The following CCDC85A variants were observed in gnomAD, a reference collection of about 807,000 sequenced individuals.
The protein encoded by CCDC85A is coiled-coil domain-containing protein 85A.
CCDC85A carries 38 observed loss-of-function variants against 50.2 expected under a neutral mutation model. The observed-to-expected ratio is 0.76, with a 90% CI of 0.58 to 0.99. CCDC85A has a LOEUF of 0.99. Among genes scored for constraint, CCDC85A ranks in the 50% least tolerant of loss-of-function variants. The pLI is 0.00. For missense variants in CCDC85A, 820 were observed against 742.0 expected (o/e 1.11, Z -1.22); for synonymous variants, 366 against 301.4 (o/e 1.21, Z -2.22).
chr2:56,324,594 A>G (rs1673372940), intron 2 of CCDC85A, among the ~76,000 whole-genome samples: 1 of 152,046 alleles, frequency 6.6e-6, no homozygotes, highest in Non-Finnish European at 1.5e-5. Context: ...ACCATGTGGG[A>G]CCAGGTAGAC....
intron 2 of CCDC85A, among the ~76,000 whole-genome samples, chr2:56,342,426 T>C (rs2104322024): frequency 6.6e-6 from 1 of 152,356 alleles, no homozygotes; most frequent in South Asian, 2.1e-4. Flanking sequence ...ATTTCGGTAT[T>C]AGATTCAGGT....
At chr2:56,322,461 AC>A (rs1673252145) in intron 2 of CCDC85A, among the ~76,000 whole-genome samples, 1 of 152,110 alleles carries the variant, frequency 6.6e-6, no homozygotes, top group South Asian at 2.1e-4. Flanking sequence ...AAATCAAACA[AC>A]CCCATTAAAA....
rs78334090 is a variant in CCDC85A at position 56,221,079 on chromosome 2, T to G, written c.1240+27639T>G. 1.9e-4 allele frequency among the ~76,000 whole-genome samples: 29 copies of G among 151,272 alleles called. No individual in the cohort carries two copies. The East Asian group carries it at 5.2e-3, about 27-fold the overall frequency. ...GTTGAAGGTCCTAATTTTCTTGGTGTTTTCTGATTTCATTTCCTAGTATAC... is the reference window on the plus strand; with the variant it reads ...GTTGAAGGTCCTAATTTTCTTGGTGGTTTCTGATTTCATTTCCTAGTATAC... On this transcript the variant is annotated intron_variant, in intron 2 of 5. Transcript: ENST00000407595.
intron 2 of CCDC85A, among the ~76,000 whole-genome samples, chr2:56,209,624 T>C (rs1475139464): frequency 6.6e-6 from 1 of 152,038 alleles, no homozygotes; most frequent in African/African-American, 2.4e-5. Flanking sequence ...AATTTGTAAT[T>C]TCTGTTTTAC....
chr2:56,274,064 T>C (rs1316403194), intron 2 of CCDC85A, among the ~76,000 whole-genome samples: 1 of 152,160 alleles, frequency 6.6e-6, no homozygotes, highest in Admixed American at 6.6e-5. Context: ...ACTAAATCAG[T>C]TGATAAGTAT....
intron 3 of CCDC85A, among the ~76,000 whole-genome samples, chr2:56,352,934 C>G (rs10172454): frequency 0.035 from 5,346 of 152,240 alleles, 237 homozygotes; most frequent in African/African-American, 0.11. Flanking sequence ...ATGGAAAGAG[C>G]TACTCAGCTC....
intron 2 of CCDC85A, among the ~76,000 whole-genome samples, chr2:56,277,790 T>C (rs1671027322): frequency 6.6e-6 from 1 of 152,196 alleles, no homozygotes; most frequent in South Asian, 2.1e-4. Context: ...TGTTTTCTTC[T>C]TGGAAAATGC....
At chr2:56,209,378 A>G (rs555833722) in intron 2 of CCDC85A, among the ~76,000 whole-genome samples, 2 of 150,926 alleles carry the variant, frequency 1.3e-5, no homozygotes, top group Non-Finnish European at 3.0e-5. Context: ...GGCCTGGATG[A>G]TATTTGGGGA....
chr2:56,217,529 T>G (rs1458791037), intron 2 of CCDC85A, among the ~76,000 whole-genome samples: 5 of 151,924 alleles, frequency 3.3e-5, no homozygotes, highest in Non-Finnish European at 7.4e-5. Flanking sequence ...TTTTTGGTGC[T>G]TTAAAATGAA....
chr2:56,316,818 A>G (rs1004346720), intron 2 of CCDC85A, among the ~76,000 whole-genome samples: 2 of 152,180 alleles, frequency 1.3e-5, no homozygotes, highest in Non-Finnish European at 2.9e-5. Flanking sequence ...TATTCACAAA[A>G]TGGCAAAATG....
chr2:56,350,049 T>A (rs1674834683), intron 3 of CCDC85A, among the ~76,000 whole-genome samples: 1 of 151,272 alleles, frequency 6.6e-6, no homozygotes, highest in African/African-American at 2.4e-5. Flanking sequence ...AATGTTGCCT[T>A]GAACTTATAG....
intron 2 of CCDC85A, among the ~76,000 whole-genome samples, chr2:56,302,951 A>G (rs970526576): frequency 6.6e-6 from 1 of 152,140 alleles, no homozygotes; most frequent in Non-Finnish European, 1.5e-5. Context: ...TGTGAAAACC[A>G]AGTGGGGGGA....
At chr2:56,200,454 A>G (rs1676687705) in intron 2 of CCDC85A, among the ~76,000 whole-genome samples, 1 of 152,212 alleles carries the variant, frequency 6.6e-6, no homozygotes, top group Admixed American at 6.5e-5. Context: ...ACTACGGGAC[A>G]CTTGAGGATA....
At chr2:56,275,222 G>C (rs1158418477) in intron 2 of CCDC85A, among the ~76,000 whole-genome samples, 3 of 151,990 alleles carry the variant, frequency 2.0e-5, no homozygotes, top group Non-Finnish European at 2.9e-5. Context: ...TATTAGGCCT[G>C]CTGGCCTTGA....
In CCDC85A at chr2:56,385,010, TCA is replaced by T. The variant is rs1211554161; in HGVS notation, c.*656_*657del. On this transcript the variant is annotated 3_prime_UTR_variant, in exon 6 of 6. Transcript: ENST00000407595. ...GTAGCAAGACGTTGTAGAGTGCTTA[TCA>T]GAGAGTACCATTTACTTCAATTGAT... The T allele has an allele frequency of 6.6e-6, 1 of 152,304 alleles. No individual in the cohort carries two copies. The highest frequency in any genetic ancestry group is 1.5e-5 in the Non-Finnish European group (1 of 67,896). The allele number at this position is 152,304 out of a possible 1,614,324, so 9.4% of individuals were successfully genotyped here. A position where few individuals can be genotyped will look rare whatever the true frequency, so the allele number is the denominator to read the frequency against.
chr2:56,310,495 A>G (rs1672640461), intron 2 of CCDC85A, among the ~76,000 whole-genome samples: 1 of 152,170 alleles, frequency 6.6e-6, no homozygotes, highest in Non-Finnish European at 1.5e-5. Flanking sequence ...CTTTATTCCA[A>G]CTTATAACGT....
At chr2:56,382,162 G>GA (rs1199035920) in intron 5 of CCDC85A, among the ~76,000 whole-genome samples, 8 of 151,986 alleles carry the variant, frequency 5.3e-5, no homozygotes, top group African/African-American at 1.7e-4. Flanking sequence ...ACAGAATAGG[G>GA]AAAAATGCAG....
intron 2 of CCDC85A, among the ~76,000 whole-genome samples, chr2:56,297,441 A>AT (rs1280868491): frequency 1.4e-5 from 2 of 138,060 alleles, no homozygotes; most frequent in African/African-American, 2.7e-5. Flanking sequence ...ATAACTATAT[A>AT]TTTTTTCTGT....
At chr2:56,352,156 A>C (rs1052544666) in intron 3 of CCDC85A, among the ~76,000 whole-genome samples, 4 of 152,204 alleles carry the variant, frequency 2.6e-5, no homozygotes, top group African/African-American at 9.6e-5. Flanking sequence ...TTATAAATAT[A>C]ACGCATTAGT....
Sources: gnomAD v4.1 joint callset for allele counts (sites outside exome capture counted in the v4.1 genomes callset) on GRCh38, gnomAD v4.1.1 for gene constraint, MANE v1.5 for transcripts, NCBI Gene and HGNC (gene_info 2026-07-23, HGNC 2026-07-21) for gene names.